The following CHI3L1 variants were observed in gnomAD, a reference collection of about 807,000 sequenced individuals.
CHI3L1 encodes chitinase-3-like protein 1.
Under a neutral mutation model 40.7 loss-of-function variants are expected in CHI3L1, and 30 were observed. The ratio of observed to expected loss-of-function variants is 0.74; its 90% confidence interval spans 0.55 to 1.00. CHI3L1 has a LOEUF of 1.00. CHI3L1 is among the 50% of genes least tolerant of loss of function. CHI3L1 has a pLI of 0.00. For missense variants in CHI3L1, 493 were observed against 492.2 expected, an observed-to-expected ratio of 1.00 and a Z score of -0.01; for synonymous variants, 210 against 192.1, an observed-to-expected ratio of 1.09 and a Z score of -0.77.
intron 8 of CHI3L1, chr1:203,180,106 G>C (rs946310336): frequency 3.4e-6 from 2 of 582,782 alleles, no homozygotes; most frequent in African/African-American, 1.9e-5. Flanking sequence ...TTTAAACAGA[G>C]ATGTGAGGCC....
intron 6 of CHI3L1, chr1:203,181,635 C>G (rs1463277483): frequency 5.2e-6 from 1 of 192,120 alleles, no homozygotes; most frequent in Non-Finnish European, 1.1e-5. Context: ...AGCTTTTGGG[C>G]TCCTATTTAA....
Position 203,186,306 on chromosome 1 carries a change from G to T in CHI3L1, c.55+10C>A. On this transcript the variant is annotated intron_variant, in intron 2 of 9. Coordinates refer to ENST00000255409, the MANE Select transcript of CHI3L1 (RefSeq NM_001276.4). ...CTGGACTTAAAAGTGGAGGTGGAGG[G>T]ATTACTCACAGCACTGGAGCAGCAC... 6.3e-7 allele frequency: 1 copy of T among 1,584,712 alleles called. No individual in the cohort carries two copies. The highest frequency in any genetic ancestry group is 8.6e-7 in the Non-Finnish European group (1 of 1,164,458).
chr1:203,184,502 G>C, intron 4 of CHI3L1, 74 bp downstream of exon 4: 1 of 1,232,918 alleles, frequency 8.1e-7, no homozygotes, highest in Non-Finnish European at 1.2e-6. Context: ...CCATACAGTG[G>C]ATGCGGGAGA....
chr1:203,186,199 T>C (rs1186609271), intron 2 of CHI3L1, 117 bp downstream of exon 2: 32 of 1,111,958 alleles, frequency 2.9e-5, no homozygotes, highest in Middle Eastern at 1.9e-4. Context: ...TTCGAAGTCA[T>C]TGGAAGCACA....
Position 203,179,475 on chromosome 1 carries a change from A to G in CHI3L1, c.1122T>C (p.Asn374=), listed in dbSNP as rs755036785. 5 of 1,554,314 alleles carry G rather than the reference A, an allele frequency of 3.2e-6. No individual in the cohort carries two copies. The highest frequency in any genetic ancestry group is 3.8e-5 in the Admixed American group (2 of 52,326). ...CGQDLRFPLT[N]AIKDALAAT ...TTGCAGCGAGTGCATCCTTGATGGC[A>G]TTGGTGAGAGGGAAGCGCAGATCCT... The change falls in exon 10 of 10, where the codon AAT becomes AAC. Residue 374 remains asparagine, a synonymous_variant. Coordinates refer to ENST00000255409, the MANE Select transcript of CHI3L1 (RefSeq NM_001276.4).
In CHI3L1 at chr1:203,185,329, C is replaced by A. The variant is rs746382181; in HGVS notation, c.112G>T (p.Asp38Tyr). The A allele has an allele frequency of 1.2e-5, 20 of 1,614,064 alleles. No homozygotes were observed. The highest frequency in any genetic ancestry group is 1.6e-5 in the Non-Finnish European group (19 of 1,180,044). The change falls in exon 3 of 10, where the codon GAT becomes TAT. Residue 38 changes from aspartate (D) to tyrosine (Y), a missense_variant. Coordinates refer to ENST00000255409, the MANE Select transcript of CHI3L1 (RefSeq NM_001276.4). ...AGGGCATCTGGGAAGCAGCTCCCAT[C>A]GCCTTCCCGGTACTGGGACCAGCTG... ...YTSWSQYREG[D>Y]GSCFPDALDR...
chr1:203,183,561 AGCAGCTGAC>A, intron 5 of CHI3L1, 71 bp downstream of exon 5: 1 of 1,472,766 alleles, frequency 6.8e-7, no homozygotes, highest in Non-Finnish European at 9.5e-7. Context: ...TCAGGAGGAC[AGCAGCTGAC>A]GCCGGCTTCT....
Position 203,179,253 on chromosome 1 carries a change from C to A in CHI3L1, c.*192G>T. On this transcript the variant is annotated 3_prime_UTR_variant, in exon 10 of 10. Transcript: ENST00000255409. ...TTGCGATGCCTCACTATCCCCACAG[C>A]CCCATCCCTACCTCTCTGCCCACCA... The A allele has an allele frequency of 8.0e-6, 4 of 502,350 alleles. No individual in the cohort carries two copies. The highest frequency in any genetic ancestry group is 5.8e-5 in the East Asian group (2 of 34,450). The allele number at this position is 502,350 out of a possible 1,614,324, so 31.1% of individuals were successfully genotyped here. A position where few individuals can be genotyped will look rare whatever the true frequency, so the allele number is the denominator to read the frequency against.
At chr1:203,185,513 G>T in intron 2 of CHI3L1, 128 bp from the exon 3 acceptor site, 1 of 732,474 alleles carries the variant, frequency 1.4e-6, no homozygotes, top group Non-Finnish European at 2.3e-6. Flanking sequence ...TGTGAGCAAA[G>T]TCAGAATTCT....
chr1:203,186,303 A>T lies in CHI3L1; in HGVS notation c.55+13T>A, dbSNP rs1162510417. ...CCTCTGGACTTAAAAGTGGAGGTGG[A>T]GGGATTACTCACAGCACTGGAGCAG... is the stretch of plus-strand genomic sequence containing the variant. On this transcript the variant is annotated intron_variant, in intron 2 of 9. Coordinates refer to ENST00000255409, the MANE Select transcript of CHI3L1 (RefSeq NM_001276.4). 6.3e-7 allele frequency: 1 copy of T among 1,583,380 alleles called. No individual in the cohort carries two copies.
chr1:203,181,243 T>C lies in CHI3L1; in HGVS notation c.630A>G (p.Gly210=). 1.9e-6 allele frequency: 3 copies of C among 1,614,026 alleles called. No homozygotes were observed. The highest frequency in any genetic ancestry group is 1.6e-4 in the Middle Eastern group (1 of 6,062). ...GATGGCCTGTGGTCCCACGCCAGGC[T>C]CCATGAAAATCGTAGGTCATGATGC... ...FISIMTYDFH[G]AWRGTTGHHS... Residue 210 remains glycine, a synonymous_variant, in exon 7 of 10, where the codon GGA becomes GGG. Transcript: ENST00000255409.
Position 203,181,202 on chromosome 1 carries a change from C to A in CHI3L1, c.671G>T (p.Arg224Leu). The change falls in exon 7 of 10, where the codon CGA (arginine) becomes CTA (leucine). Residue 224 changes from arginine (R) to leucine (L), a missense_variant. Coordinates refer to ENST00000255409, the MANE Select transcript of CHI3L1 (RefSeq NM_001276.4). Reference sequence around the variant, plus strand: ...GTCAGGACTTGCATCCTCCTGACCTCGGAACAGGGGACTGTGATGGCCTGT... The same window carrying A: ...GTCAGGACTTGCATCCTCCTGACCTAGGAACAGGGGACTGTGATGGCCTGT... The part of the protein sequence containing the change: ...GTTGHHSPLF[R>L]GQEDASPDRF... 2.5e-6 allele frequency: 4 copies of A among 1,614,112 alleles called. No homozygotes were observed. The highest frequency in any genetic ancestry group is 1.3e-5 in the African/African-American group (1 of 75,014).
rs1655876792 is a variant in CHI3L1, at chr1:203,179,392, G to A, written c.*53C>T. ...GTGATCAGGCTCCCGGCCAGCTGGA[G>A]CCAGAGGGGGACGGGGCATCCTTGG... On this transcript the variant is annotated 3_prime_UTR_variant, in exon 10 of 10. Coordinates refer to ENST00000255409, the MANE Select transcript of CHI3L1 (RefSeq NM_001276.4). 2.0e-6 allele frequency: 3 copies of A among 1,481,332 alleles called. No homozygotes were observed. The highest frequency in any genetic ancestry group is 2.7e-6 in the Non-Finnish European group (3 of 1,103,228). The allele number at this position is 1,481,332 out of a possible 1,614,324, so 91.8% of individuals were successfully genotyped here. A position where few individuals can be genotyped will look rare whatever the true frequency, so the allele number is the denominator to read the frequency against.
chr1:203,185,697 T>C (rs1656041709), intron 2 of CHI3L1, among the ~76,000 whole-genome samples: 1 of 152,106 alleles, frequency 6.6e-6, no homozygotes, highest in South Asian at 2.1e-4. Context: ...TGGGACTTGG[T>C]GCCAGCACAG....
At chr1:203,185,901 C>A (rs1656045846) in intron 2 of CHI3L1, among the ~76,000 whole-genome samples, 3 of 152,172 alleles carry the variant, frequency 2.0e-5, no homozygotes, top group Admixed American at 2.0e-4. Context: ...GAATGGCAGT[C>A]CTGTGCTCCC....
intron 7 of CHI3L1, 131 bp from the exon 8 acceptor site, chr1:203,180,783 A>T (rs1655919771): frequency 1.5e-6 from 1 of 677,096 alleles, no homozygotes; most frequent in Admixed American, 3.5e-5. Flanking sequence ...CCCTCCGGGA[A>T]CGGATCATGT....
rs1655876139 is a variant in CHI3L1 at position 203,179,363 on chromosome 1, G to A, written c.*82C>T. 1.6e-6 allele frequency: 2 copies of A among 1,271,784 alleles called. No homozygotes were observed. Among genetic ancestry groups the A allele is most frequent in the Non-Finnish European group, 2.2e-6 (2 of 913,736 alleles). 78.8% of individuals were successfully genotyped at this position (1,271,784 alleles called of 1,614,324 possible). Reference sequence around the variant, plus strand: ...GAGGCTCAGCCTGGGACTCAGCAGGGCAGGTGATCAGGCTCCCGGCCAGCT... The same window carrying A: ...GAGGCTCAGCCTGGGACTCAGCAGGACAGGTGATCAGGCTCCCGGCCAGCT... On this transcript the variant is annotated 3_prime_UTR_variant, in exon 10 of 10. Transcript: ENST00000255409.
intron 8 of CHI3L1, 76 bp downstream of exon 8, chr1:203,180,394 G>T: frequency 1.5e-6 from 2 of 1,338,264 alleles, no homozygotes; most frequent in Non-Finnish European, 2.0e-6. Context: ...GAAAAAGCAA[G>T]AACGTGGTGG....
chr1:203,181,020 T>C (rs1655925369), intron 7 of CHI3L1, 142 bp downstream of exon 7: 2 of 1,162,918 alleles, frequency 1.7e-6, no homozygotes, highest in Non-Finnish European at 2.4e-6. Flanking sequence ...ACTTTGGGCC[T>C]CAGTTTCCTT....
Sources: gnomAD v4.1 joint callset for allele counts (sites outside exome capture counted in the v4.1 genomes callset) on GRCh38, gnomAD v4.1.1 for gene constraint, MANE v1.5 for transcripts, NCBI Gene and HGNC (gene_info 2026-07-23, HGNC 2026-07-21) for gene names.